Variants in NRXN3 observed in about 807,000 individuals in gnomAD.
NRXN3 encodes the protein neurexin III.
In NRXN3, 32 loss-of-function variants were observed where a neutral mutation model predicts 137.6. The ratio of observed to expected loss-of-function variants is 0.23; its 90% CI spans 0.18 to 0.31. The LOEUF (loss-of-function observed/expected upper bound fraction) is 0.31. NRXN3 is among the 10% of genes least tolerant of loss of function. The pLI is 1.00. For missense variants in NRXN3, 1,574 were observed against 2,062.5 expected (o/e 0.76, Z 4.59); for synonymous variants, 798 against 784.5 (o/e 1.02, Z -0.29).
intron 15 of NRXN3, among the ~76,000 whole-genome samples, chr14:79,226,010 G>A (rs7145792): frequency 0.028 from 4,179 of 151,574 alleles, 138 homozygotes; most frequent in South Asian, 0.086. Flanking sequence ...CTTTCTTCAG[G>A]TTGGCTGCTG....
At chr14:78,834,657 T>C (rs937071574) in intron 10 of NRXN3, among the ~76,000 whole-genome samples, 7 of 152,108 alleles carry the variant, frequency 4.6e-5, no homozygotes, top group Admixed American at 2.0e-4. Context: ...TTTTGGATAC[T>C]CAGGTACAAG....
chr14:79,765,899 G>A (rs2099054361), intron 19 of NRXN3, among the ~76,000 whole-genome samples: 1 of 152,066 alleles, frequency 6.6e-6, no homozygotes, highest in Non-Finnish European at 1.5e-5. Context: ...TAAAAAAACA[G>A]TTCTTATATG....
chr14:79,340,198 T>TGA (rs1228407752), intron 15 of NRXN3, among the ~76,000 whole-genome samples: 17 of 150,826 alleles, frequency 1.1e-4, no homozygotes, highest in African/African-American at 3.4e-4. Flanking sequence ...TGTATGTGTG[T>TGA]GAGAGAGAGA....
intron 15 of NRXN3, among the ~76,000 whole-genome samples, chr14:79,035,411 A>T (rs1013966952): frequency 6.6e-6 from 1 of 152,062 alleles, no homozygotes; most frequent in Non-Finnish European, 1.5e-5. Context: ...TGGTCTTTTC[A>T]TGAAATGTAT....
intron 6 of NRXN3, among the ~76,000 whole-genome samples, chr14:78,670,376 C>T (rs757768402): frequency 3.9e-5 from 6 of 152,040 alleles, no homozygotes; most frequent in Non-Finnish European, 5.9e-5. Context: ...GTATATTGGC[C>T]GGCTTCTTTA....
chr14:79,685,410 T>A (rs2098690651), intron 17 of NRXN3, among the ~76,000 whole-genome samples: 1 of 152,114 alleles, frequency 6.6e-6, no homozygotes, highest in African/African-American at 2.4e-5. Flanking sequence ...AGTGCATATT[T>A]CAGAATAATT....
At chr14:79,654,327 A>ACTT (rs1039031227) in intron 16 of NRXN3, among the ~76,000 whole-genome samples, 42 of 152,140 alleles carry the variant, frequency 2.8e-4, no homozygotes, top group African/African-American at 9.6e-4. Flanking sequence ...CTTAAATTAA[A>ACTT]CTTAAAAAAA....
At chr14:78,639,001 G>T (rs1282649065) in intron 4 of NRXN3, among the ~76,000 whole-genome samples, 2 of 152,220 alleles carry the variant, frequency 1.3e-5, no homozygotes, top group African/African-American at 2.4e-5. Flanking sequence ...AGAATTGGGT[G>T]ATCTGTGAGT....
chr14:79,395,303 C>G (rs1032143521), intron 15 of NRXN3, among the ~76,000 whole-genome samples: 3 of 152,124 alleles, frequency 2.0e-5, no homozygotes, highest in Admixed American at 6.6e-5. Context: ...TGTAACAGAG[C>G]CATGAGCCAA....
At chr14:78,274,932 A>T (rs2073362140) in intron 2 of NRXN3, among the ~76,000 whole-genome samples, 1 of 152,224 alleles carries the variant, frequency 6.6e-6, no homozygotes, top group African/African-American at 2.4e-5. Flanking sequence ...TGTGAATGGT[A>T]GAGCTAGGAA....
At chr14:79,604,016 T>A (rs2097961927) in intron 16 of NRXN3, among the ~76,000 whole-genome samples, 1 of 151,904 alleles carries the variant, frequency 6.6e-6, no homozygotes, top group Non-Finnish European at 1.5e-5. Flanking sequence ...GCCTCCCGAG[T>A]GGCTGGAATT....
At chr14:78,633,309 A>C (rs1304665339) in intron 4 of NRXN3, among the ~76,000 whole-genome samples, 1 of 151,664 alleles carries the variant, frequency 6.6e-6, no homozygotes, top group East Asian at 1.9e-4. Context: ...GACAAAAATG[A>C]AATAAATACT....
intron 16 of NRXN3, among the ~76,000 whole-genome samples, chr14:79,626,735 G>T (rs1192075721): frequency 6.6e-6 from 1 of 152,054 alleles, no homozygotes; most frequent in African/African-American, 2.4e-5. Context: ...TGCCTTGAGG[G>T]TTTACAAATT....
chr14:78,997,460 T>C (rs1231477044), intron 15 of NRXN3, among the ~76,000 whole-genome samples: 1 of 152,248 alleles, frequency 6.6e-6, no homozygotes, highest in Non-Finnish European at 1.5e-5. Context: ...TGTATTACCA[T>C]GTTAGTCACA....
chr14:79,100,356 A>AT (rs1028529496), intron 15 of NRXN3, among the ~76,000 whole-genome samples: 89 of 152,344 alleles, frequency 5.8e-4, no homozygotes, highest in African/African-American at 2.1e-3. Context: ...TTTCAAGTTA[A>AT]TATCTAATGT....
chr14:79,128,346 G>A (rs1486503201), intron 15 of NRXN3, among the ~76,000 whole-genome samples: 1 of 144,222 alleles, frequency 6.9e-6, no homozygotes, highest in Non-Finnish European at 1.5e-5. Context: ...TTTGAGATAC[G>A]TCCCATCAAT....
intron 19 of NRXN3, among the ~76,000 whole-genome samples, chr14:79,795,244 A>C (rs190280716): frequency 3.3e-5 from 5 of 152,218 alleles, no homozygotes; most frequent in Non-Finnish European, 7.3e-5. Context: ...TTTTGAATCA[A>C]TATCTAAGAT....
intron 15 of NRXN3, among the ~76,000 whole-genome samples, chr14:79,366,275 A>G (rs866581339): frequency 1.1e-4 from 16 of 152,210 alleles, no homozygotes; most frequent in Admixed American, 5.9e-4. Flanking sequence ...TAATTGGAGT[A>G]TTCATTACCT....
intron 7 of NRXN3, among the ~76,000 whole-genome samples, chr14:78,713,296 C>T (rs2098417881): frequency 6.6e-6 from 1 of 152,142 alleles, no homozygotes; most frequent in Non-Finnish European, 1.5e-5. Context: ...CCTGCTCACC[C>T]CCTCTTGCCT....
Sources: gnomAD v4.1 joint callset for allele counts (sites outside exome capture counted in the v4.1 genomes callset) on GRCh38, gnomAD v4.1.1 for gene constraint, MANE v1.5 for transcripts, NCBI Gene and HGNC (gene_info 2026-07-23, HGNC 2026-07-21) for gene names.